The following CAMTA1 variants were observed in gnomAD, a reference collection of about 807,000 sequenced individuals.
CAMTA1 encodes calmodulin binding transcription activator 1.
In CAMTA1, 27 loss-of-function variants were observed where a neutral mutation model predicts 170.9. That is an observed-to-expected ratio of 0.16 (90% CI 0.12 to 0.22). The LOEUF is 0.22. CAMTA1 is among the 10% of genes least tolerant of loss of function. CAMTA1 has a pLI of 1.00. For missense variants in CAMTA1, 1,619 were observed against 2,217.2 expected (o/e 0.73, Z 5.42); for synonymous variants, 833 against 891.5 (o/e 0.93, Z 1.17).
chr1:7,415,157 C>A (rs1442286470), intron 5 of CAMTA1, among the ~76,000 whole-genome samples: 543 of 129,438 alleles, frequency 4.2e-3, no homozygotes, highest in South Asian at 6.5e-3. Flanking sequence ...TTTACATTTG[C>A]TGAGGAGTGC....
chr1:7,067,633 A>G lies in CAMTA1; in HGVS notation c.235-23671A>G, dbSNP rs967078992. On this transcript the variant is annotated intron_variant, in intron 3 of 22. Transcript: ENST00000303635. This position sits in a 1 kb window ranked among gnomAD's most constrained non-coding sequence, Gnocchi z 4.3. ...GCATTTATTGTGTGTCTATTTGTCT[A>G]TTTTAACCCAGAACATCTTCTGAGA... is the stretch of plus-strand genomic sequence containing the variant. 2.0e-5 allele frequency among the ~76,000 whole-genome samples: 3 copies of G among 152,224 alleles called. No homozygotes were observed. The highest frequency in any genetic ancestry group is 7.2e-5 in the African/African-American group (3 of 41,462).
At position 7,308,889 on chromosome 1, in the gene CAMTA1, A is replaced by G. The variant is rs147701111; in HGVS notation, c.438+59263A>G. Among the ~76,000 whole-genome samples the G allele has an allele frequency of 2.6e-3, 400 of 152,296 alleles. 1 individual carries two copies. The highest frequency in any genetic ancestry group is 9.1e-3 in the African/African-American group (379 of 41,562). On this transcript the variant is annotated intron_variant, in intron 5 of 22. Transcript: ENST00000303635. ...TGACTGATTTCTGTCTACTCATTCT[A>G]TTACTGACTGAGAGAGAAGTACTGA... is the stretch of plus-strand genomic sequence containing the variant.
chr1:6,790,829 T>C (rs143040320), intron 1 of CAMTA1, among the ~76,000 whole-genome samples: 1 of 152,340 alleles, frequency 6.6e-6, no homozygotes, highest in East Asian at 1.9e-4. Context: ...TAGGTATAAA[T>C]AATGATAATA....
chr1:7,282,156 A>G (rs1191409986), intron 5 of CAMTA1, among the ~76,000 whole-genome samples: 1 of 152,178 alleles, frequency 6.6e-6, no homozygotes, highest in Non-Finnish European at 1.5e-5. Context: ...CTCATAGACT[A>G]TATTAAAAAT....
rs74052950 is a variant in CAMTA1 at position 7,347,253 on chromosome 1, A to C, written c.438+97627A>C. Among the ~76,000 whole-genome samples, 378 of 152,202 alleles carry C rather than the reference A, an allele frequency of 2.5e-3. 6 individuals carry two copies. The highest frequency in any genetic ancestry group is 8.7e-3 in the African/African-American group (361 of 41,532). On this transcript the variant is annotated intron_variant, in intron 5 of 22. Coordinates refer to ENST00000303635, the MANE Select transcript of CAMTA1 (RefSeq NM_015215.4). ...TTCGTCTTTCCACAATGAGGCCCGG[A>C]CTGTTCCATCGGGAAGGGGCTTCTG...
intron 5 of CAMTA1, among the ~76,000 whole-genome samples, chr1:7,298,064 T>C (rs1674227953): frequency 1.3e-5 from 2 of 152,248 alleles, no homozygotes; most frequent in Non-Finnish European, 1.5e-5. Context: ...CAATTTATAA[T>C]CTGAAATGAA....
intron 3 of CAMTA1, among the ~76,000 whole-genome samples, chr1:7,018,759 C>T (rs924206211): frequency 2.6e-5 from 4 of 152,166 alleles, no homozygotes; most frequent in Admixed American, 1.3e-4. Context: ...TTGTTGGGGT[C>T]GGAACCATTC....
intron 6 of CAMTA1, among the ~76,000 whole-genome samples, chr1:7,483,854 C>A (rs560388234): frequency 6.6e-6 from 1 of 152,232 alleles, no homozygotes; most frequent in African/African-American, 2.4e-5. Flanking sequence ...CTCCTGGAGT[C>A]GGCCAGCCCC....
In CAMTA1 at chr1:7,552,443, C is replaced by T. The variant is rs1049803995; in HGVS notation, c.510+84542C>T. The stretch of plus-strand genomic sequence containing the variant: ...CTGGGAACAGTGGATGTGCCTGTCT[C>T]GGCCAGACTCTGCTTGTGAAACAGC... On this transcript the variant is annotated intron_variant, in intron 6 of 22. Transcript: ENST00000303635. Among the ~76,000 whole-genome samples, 5 of 152,234 alleles carry T rather than the reference C, an allele frequency of 3.3e-5. No individual in the cohort carries two copies. In the South Asian group the frequency reaches 6.2e-4, roughly 19 times the overall value.
chr1:7,729,114 C>CTTTTTTTTTTTTTTTTTTTT (rs146252158), intron 11 of CAMTA1, among the ~76,000 whole-genome samples: 3 of 142,280 alleles, frequency 2.1e-5, no homozygotes, highest in Non-Finnish European at 4.6e-5. Context: ...TATGAGGAAT[C>CTTTTTTTTTTTTTTTTTTTT]TTTTTTTTTC....
rs192166540 is a variant in CAMTA1, at chr1:7,247,004, C to T, written c.303-2487C>T. Among the ~76,000 whole-genome samples, 29 of 152,294 alleles carry T rather than the reference C, an allele frequency of 1.9e-4. No homozygotes were observed. The East Asian group carries it at 4.4e-3, about 23-fold the overall frequency. On this transcript the variant is annotated intron_variant, in intron 4 of 22. Coordinates refer to ENST00000303635, the MANE Select transcript of CAMTA1 (RefSeq NM_015215.4). ...CCTCATTTTCTTTGCCTTGGGGGCA[C>T]GTGGGCCCTTCTGCAGCCTGTCTTT...
At chr1:7,753,631 T>C (rs2096912603) in intron 21 of CAMTA1, among the ~76,000 whole-genome samples, 2 of 152,218 alleles carry the variant, frequency 1.3e-5, no homozygotes, top group African/African-American at 4.8e-5. Flanking sequence ...TTTGTACTTT[T>C]ACTTAAATTA....
At chr1:7,191,750 C>CT (rs1654565509) in intron 4 of CAMTA1, among the ~76,000 whole-genome samples, 2 of 152,162 alleles carry the variant, frequency 1.3e-5, no homozygotes, top group African/African-American at 4.8e-5. Context: ...GGAAGAAACG[C>CT]TTTGTCATCG....
intron 5 of CAMTA1, among the ~76,000 whole-genome samples, chr1:7,274,716 A>G (rs1487082453): frequency 6.6e-6 from 1 of 152,236 alleles, no homozygotes; most frequent in African/African-American, 2.4e-5. Flanking sequence ...ATTTAAAAAG[A>G]TTACTGCTTC....
At chr1:7,667,513 CG>C in intron 9 of CAMTA1, among the ~76,000 whole-genome samples, 1 of 152,226 alleles carries the variant, frequency 6.6e-6, no homozygotes. Flanking sequence ...CACTTAGAGG[CG>C]CCCTGGAGCC....
At chr1:7,699,676 G>C (rs1014244091) in intron 11 of CAMTA1, among the ~76,000 whole-genome samples, 2 of 152,060 alleles carry the variant, frequency 1.3e-5, no homozygotes, top group African/African-American at 4.8e-5. Context: ...CCTTGCCAAC[G>C]CTTGTTATTG....
chr1:7,701,464 G>T (rs1002024183), intron 11 of CAMTA1, among the ~76,000 whole-genome samples: 4 of 152,076 alleles, frequency 2.6e-5, no homozygotes, highest in Non-Finnish European at 5.9e-5. Flanking sequence ...TGCCCAGGCT[G>T]GAATGCAGTG....
chr1:7,110,406 G>T (rs530690913), intron 4 of CAMTA1, among the ~76,000 whole-genome samples: 2 of 152,058 alleles, frequency 1.3e-5, no homozygotes, highest in African/African-American at 4.8e-5. Flanking sequence ...ATTAATCCTC[G>T]CAACAGCTCT....
rs1673054738 is a variant in CAMTA1 at position 7,291,002 on chromosome 1, G to T, written c.438+41376G>T. Reference sequence around the variant, plus strand: ...CTGACCCCTGGTTTCCCCCTGCAGAGTGCAGTGTCTTTTGTGTGGGATGAA... The same window carrying T: ...CTGACCCCTGGTTTCCCCCTGCAGATTGCAGTGTCTTTTGTGTGGGATGAA... On this transcript the variant is annotated intron_variant, in intron 5 of 22. Transcript: ENST00000303635. 2.6e-5 allele frequency among the ~76,000 whole-genome samples: 4 copies of T among 152,130 alleles called. No individual in the cohort carries two copies. In the South Asian group the frequency reaches 6.2e-4, roughly 24 times the overall value.
Sources: allele counts gnomAD v4.1 joint callset (sites outside exome capture counted in the v4.1 genomes callset), GRCh38; gene constraint gnomAD v4.1.1; non-coding constraint Gnocchi (gnomAD v3.1); transcripts MANE v1.5; gene names NCBI Gene and HGNC (gene_info 2026-07-23, HGNC 2026-07-21).